The following EFHD1 variants were observed in gnomAD, a reference collection of about 807,000 sequenced individuals.
EFHD1 encodes the protein EF-hand domain family member D1, also known as EF-hand domain-containing protein D1.
Under a neutral mutation model 17.2 loss-of-function variants are expected in EFHD1, and 10 were observed. The ratio of observed to expected loss-of-function variants is 0.58; its 90% CI spans 0.36 to 0.99. EFHD1 has a LOEUF of 0.99. EFHD1 is among the 50% of genes least tolerant of loss of function. EFHD1 has a pLI of 0.01. For missense variants in EFHD1, 310 were observed against 327.5 expected, an observed-to-expected ratio of 0.95 and a Z score of 0.41; for synonymous variants, 153 against 142.0, an observed-to-expected ratio of 1.08 and a Z score of -0.55.
chr2:232,633,473 G>A, upstream of EFHD1: 2 of 1,239,992 alleles, frequency 1.6e-6, no homozygotes, highest in Non-Finnish European at 1.0e-6. Flanking sequence ...CCAGACACCG[G>A]CGGCCTCCTC....
intron 1 of EFHD1, chr2:232,650,158 A>G (rs1274638372): frequency 6.6e-6 from 1 of 151,856 alleles, no homozygotes. Context: ...AAAAAGTAAC[A>G]ATAGCAAAGA....
intron 1 of EFHD1, among the ~76,000 whole-genome samples, chr2:232,660,030 T>C (rs1048885139): frequency 6.6e-6 from 1 of 152,244 alleles, no homozygotes; most frequent in East Asian, 1.9e-4. Context: ...TCCACCCCCA[T>C]GATCCAACCG....
At chr2:232,667,512 C>T (rs1401175303) in intron 2 of EFHD1, among the ~76,000 whole-genome samples, 1 of 151,842 alleles carries the variant, frequency 6.6e-6, no homozygotes, top group Admixed American at 6.6e-5. Context: ...GTTTTTGAGA[C>T]ATCTTATTTT....
At chr2:232,633,491 G>T, upstream of EFHD1, 1 of 1,252,070 alleles carries the variant, frequency 8.0e-7, no homozygotes, top group South Asian at 3.1e-5. Context: ...CTCCCACCAG[G>T]CTGGCAGTCG....
At chr2:232,631,054 C>T (rs1273916592), upstream of EFHD1, among the ~76,000 whole-genome samples, 1 of 151,876 alleles carries the variant, frequency 6.6e-6, no homozygotes, top group Non-Finnish European at 1.5e-5. Context: ...GGTGAAACCC[C>T]GTCTCTACTA....
At chr2:232,652,687 C>T in intron 1 of EFHD1, among the ~76,000 whole-genome samples, 1 of 152,120 alleles carries the variant, frequency 6.6e-6, no homozygotes, top group Admixed American at 6.6e-5. Context: ...TCGTGAACTG[C>T]AAAGCCGACC....
chr2:232,628,883 G>C (rs191341104), upstream of EFHD1, among the ~76,000 whole-genome samples: 797 of 152,290 alleles, frequency 5.2e-3, 4 homozygotes, highest in Non-Finnish European at 8.2e-3. Context: ...CATCACAAAA[G>C]GTGATACAGC....
Position 232,681,899 on chromosome 2 carries a change from T to C in EFHD1, c.*180T>C. ...CAGTGTCCAAGCCCCTCCAGGAGGG[T>C]CCTGGGGTGGGCCAGATGCCTGCCC... On this transcript the variant is annotated 3_prime_UTR_variant, in exon 4 of 4. Transcript: ENST00000264059. 1.0e-6 allele frequency: 1 copy of C among 1,003,924 alleles called. No individual in the cohort carries two copies. Among genetic ancestry groups the C allele is most frequent in the Non-Finnish European group, 1.4e-6 (1 of 718,420 alleles). 62.2% of individuals were successfully genotyped at this position (1,003,924 alleles called of 1,614,324 possible). A position where few individuals can be genotyped will look rare whatever the true frequency, so the allele number is the denominator to read the frequency against.
At chr2:232,657,613 C>T (rs918218192) in intron 1 of EFHD1, among the ~76,000 whole-genome samples, 43 of 151,728 alleles carry the variant, frequency 2.8e-4, no homozygotes, top group Middle Eastern at 3.2e-3. Context: ...AGTTCGAGAC[C>T]CACCTGGCCA....
intron 3 of EFHD1, among the ~76,000 whole-genome samples, chr2:232,676,315 C>T (rs774509792): frequency 3.9e-5 from 6 of 152,222 alleles, no homozygotes; most frequent in Non-Finnish European, 8.8e-5. Context: ...TGAAGGCCAT[C>T]ATGTTGGTTG....
At chr2:232,657,899 C>T (rs757077432) in intron 1 of EFHD1, among the ~76,000 whole-genome samples, 7,464 of 100,822 alleles carry the variant, frequency 0.074, 362 homozygotes, top group Middle Eastern at 0.11. Flanking sequence ...TCTTTCTTTT[C>T]TTTTTTTTTT....
chr2:232,656,338 G>A (rs191475066), intron 1 of EFHD1, among the ~76,000 whole-genome samples: 14 of 152,196 alleles, frequency 9.2e-5, no homozygotes, highest in African/African-American at 2.9e-4. Flanking sequence ...TCCCCTGAAG[G>A]TGTGGTCACA....
chr2:232,606,064 G>A, exon 1 of EFHD1: 3 of 1,399,628 alleles, frequency 2.1e-6, no homozygotes, highest in Non-Finnish European at 3.0e-6. Flanking sequence ...CCCGCTAAGT[G>A]CAGGCGGATA....
intron 1 of EFHD1, among the ~76,000 whole-genome samples, chr2:232,609,257 C>T (rs112641665): frequency 0.066 from 9,941 of 151,666 alleles, 990 homozygotes; most frequent in African/African-American, 0.22. Context: ...GACAGGGTTT[C>T]GCCATGTTGG....
intron 2 of EFHD1, among the ~76,000 whole-genome samples, chr2:232,670,285 A>G (rs1197323280): frequency 6.6e-6 from 1 of 152,130 alleles, no homozygotes; most frequent in Non-Finnish European, 1.5e-5. Context: ...TACTAAAAAT[A>G]CAAAAATTAA....
At chr2:232,619,188 T>TAAAC (rs147273584) in intron 1 of EFHD1, among the ~76,000 whole-genome samples, 198 of 97,902 alleles carry the variant, frequency 2.0e-3, no homozygotes, top group African/African-American at 5.9e-3. Flanking sequence ...AATAAATAAA[T>TAAAC]AAACAAACAA....
chr2:232,631,764 G>A (rs1015232001), upstream of EFHD1, among the ~76,000 whole-genome samples: 4 of 149,954 alleles, frequency 2.7e-5, no homozygotes, highest in African/African-American at 9.8e-5. Flanking sequence ...CACTTCGGGA[G>A]GCCGAGGTGG....
chr2:232,668,926 G>A (rs1559355283), intron 2 of EFHD1, among the ~76,000 whole-genome samples: 1 of 152,176 alleles, frequency 6.6e-6, no homozygotes, highest in Non-Finnish European at 1.5e-5. Flanking sequence ...GAGCCACCAC[G>A]CCCAGCCAGT....
chr2:232,638,004 T>G, intron 1 of EFHD1: 1 of 190,164 alleles, frequency 5.3e-6, no homozygotes, highest in South Asian at 1.1e-4. Flanking sequence ...TGTTTTCTAA[T>G]GAGTGTGGGA....
Sources: gnomAD v4.1 joint callset for allele counts (sites outside exome capture counted in the v4.1 genomes callset) on GRCh38, gnomAD v4.1.1 for gene constraint, MANE v1.5 for transcripts, NCBI Gene and HGNC (gene_info 2026-07-23, HGNC 2026-07-21) for gene names.